The following COL20A1 variants were observed in gnomAD, a reference collection of about 807,000 sequenced individuals.
COL20A1 encodes collagen type XX alpha 1 chain.
COL20A1 carries 164 observed loss-of-function variants against 152.9 expected under a neutral mutation model. The observed-to-expected ratio is 1.07, with a 90% CI of 0.94 to 1.22. The LOEUF (loss-of-function observed/expected upper bound fraction) is 1.22. Ranked by LOEUF, COL20A1 falls within the 50% of genes most tolerant of loss-of-function variation. The probability of loss-of-function intolerance (pLI) is 0.00; values close to 1 mark genes in which losing one functional copy is unlikely to be tolerated. For synonymous variants in COL20A1, 864 were observed against 756.0 expected (o/e 1.14, Z -2.34); for missense variants, 1,873 against 1,744.8 (o/e 1.07, Z -1.31).
chr20:63,325,563 GGA>G (rs994720643), intron 28 of COL20A1, 69 bp downstream of exon 28: 8 of 1,551,330 alleles, frequency 5.2e-6, no homozygotes, highest in Non-Finnish European at 6.2e-6. Context: ...ATGGAGATGG[GGA>G]GTGCCTGGGG....
chr20:63,300,771 A>G lies in COL20A1; in HGVS notation c.193+2751A>G, dbSNP rs894622440. On this transcript the variant is annotated intron_variant, in intron 3 of 35. Transcript: ENST00000358894. ...TTGATTTTCTGCCCTTTTACAAGATATAAAGTTAAAACTATTGAATTTTCT... is the reference window on the plus strand; with the variant it reads ...TTGATTTTCTGCCCTTTTACAAGATGTAAAGTTAAAACTATTGAATTTTCT... Among the ~76,000 whole-genome samples the G allele has an allele frequency of 1.1e-4, 16 of 152,228 alleles. 1 individual carries two copies. Among genetic ancestry groups the G allele is most frequent in the African/African-American group, 3.4e-4 (14 of 41,458 alleles).
At chr20:63,325,196 G>A (rs1363281993) in intron 27 of COL20A1, 3 of 664,922 alleles carry the variant, frequency 4.5e-6, no homozygotes, top group African/African-American at 3.6e-5. Flanking sequence ...AGGGCTGGCT[G>A]TGACCCAGAG....
chr20:63,318,759 AG>A (rs1182317296), intron 21 of COL20A1, among the ~76,000 whole-genome samples: 1 of 152,056 alleles, frequency 6.6e-6, no homozygotes, highest in Non-Finnish European at 1.5e-5. Flanking sequence ...ATTCAATGGG[AG>A]GGATTCTGTC....
intron 21 of COL20A1, 87 bp from the exon 22 acceptor site, chr20:63,318,971 G>A (rs769971664): frequency 1.1e-4 from 114 of 1,050,418 alleles, no homozygotes; most frequent in Non-Finnish European, 1.6e-4. Flanking sequence ...CTGGCACTGG[G>A]GCTGGGGCTG....
chr20:63,329,215 C>T (rs969594837), intron 34 of COL20A1: 14 of 234,094 alleles, frequency 6.0e-5, no homozygotes, highest in Non-Finnish European at 1.1e-4. Context: ...GGAACCCCTG[C>T]CCCCGGCTTG....
Position 63,305,115 on chromosome 20 carries a change from T to A in COL20A1, c.194-302T>A, listed in dbSNP as rs1032858700. On this transcript the variant is annotated intron_variant, in intron 3 of 35. Coordinates refer to ENST00000358894, the MANE Select transcript of COL20A1 (RefSeq NM_020882.4). The surrounding 1 kb of genome is among the most constrained non-coding windows in gnomAD (Gnocchi z 4.9). ...GTCATCCCCTCCCTGGGCAGCCCTGTCTTCATACCTTGACAGTATCTCTGA... is the reference window on the plus strand; with the variant it reads ...GTCATCCCCTCCCTGGGCAGCCCTGACTTCATACCTTGACAGTATCTCTGA... Among the ~76,000 whole-genome samples the A allele has an allele frequency of 5.9e-5, 9 of 152,072 alleles. No homozygotes were observed. The highest frequency in any genetic ancestry group is 1.2e-4 in the Non-Finnish European group (8 of 68,016).
In COL20A1 at chr20:63,311,954, G is replaced by A. The variant is rs188950518; in HGVS notation, c.1702G>A (p.Val568Met). 1.3e-5 allele frequency: 21 copies of A among 1,590,604 alleles called. No homozygotes were observed. Among genetic ancestry groups the A allele is most frequent in the Admixed American group, 7.0e-5 (4 of 57,386 alleles). Residue 568 changes from valine (V) to methionine (M), a missense_variant, in exon 14 of 36, where the codon GTG becomes ATG. Val to Met is a conservative substitution (Grantham distance 21, BLOSUM62 1). Transcript: ENST00000358894. The surrounding 1 kb of genome is among the most constrained non-coding windows in gnomAD (Gnocchi z 4.4). The part of the protein sequence containing the change: ...APPRHLGFSD[V>M]SHDAARVFWE... ...CCCGAGACACCTGGGCTTCTCAGAC[G>A]TGAGCCACGACGCGGCACGAGTGTT...
chr20:63,319,089 C>T lies in COL20A1; in HGVS notation c.2695C>T (p.His899Tyr). 6.2e-7 allele frequency: 1 copy of T among 1,612,360 alleles called. No individual in the cohort carries two copies. The highest frequency in any genetic ancestry group is 1.1e-5 in the South Asian group (1 of 91,040). ...DVYPAPLPPEHTIVFLVRLLP... is the reference protein window; with the variant it reads ...DVYPAPLPPEYTIVFLVRLLP... Reference sequence around the variant, plus strand: ...CTACCCAGCCCCCCTACCTCCAGAGCACACCATCGTCTTCCTTGTGCGCCT... The same window carrying T: ...CTACCCAGCCCCCCTACCTCCAGAGTACACCATCGTCTTCCTTGTGCGCCT... Residue 899 changes from histidine to tyrosine, a missense_variant, in exon 22 of 36, where the codon CAC (histidine) becomes TAC (tyrosine). Transcript: ENST00000358894. The surrounding 1 kb of genome is among the most constrained non-coding windows in gnomAD (Gnocchi z 4.4).
At position 63,307,315 on chromosome 20, in the gene COL20A1, C is replaced by T. The variant is rs6089876; in HGVS notation, c.497-175C>T. 2.8e-3 allele frequency among the ~76,000 whole-genome samples: 420 copies of T among 152,354 alleles called. 1 individual carries two copies. The highest frequency in any genetic ancestry group is 9.0e-3 in the African/African-American group (374 of 41,582). On this transcript the variant is annotated intron_variant, in intron 5 of 35. Transcript: ENST00000358894. ...CATTAGCGGTGGCTCGATGTGCAGCCGTGCCGGTGTGGGGCTGTCTAGTCC... is the reference window on the plus strand; with the variant it reads ...CATTAGCGGTGGCTCGATGTGCAGCTGTGCCGGTGTGGGGCTGTCTAGTCC...
At chr20:63,325,783 G>A (rs567879368) in intron 29 of COL20A1, 62 bp downstream of exon 29, 4 of 1,481,480 alleles carry the variant, frequency 2.7e-6, no homozygotes, top group Middle Eastern at 1.8e-4. Context: ...GGGACGGGGG[G>A]CCTTGGAGAT....
rs6011728 is a variant in COL20A1, at chr20:63,311,121, G to C, written c.1394-273G>C. 0.96 allele frequency among the ~76,000 whole-genome samples: 146,080 copies of C among 152,110 alleles called. 70,419 individuals are homozygous for C. Among genetic ancestry groups the C allele is most frequent in the East Asian group, 1 (5,154 of 5,154 alleles). On this transcript the variant is annotated intron_variant, in intron 11 of 35. Coordinates refer to ENST00000358894, the MANE Select transcript of COL20A1 (RefSeq NM_020882.4). The surrounding 1 kb of genome is among the most constrained non-coding windows in gnomAD (Gnocchi z 4.4). ...ACACAGTGCAGACTTTTGTGTCTGGGTGTTTCCCAAAGCCCTTTTCACCCC... is the reference window on the plus strand; with the variant it reads ...ACACAGTGCAGACTTTTGTGTCTGGCTGTTTCCCAAAGCCCTTTTCACCCC...
Position 63,309,743 on chromosome 20 carries a change from C to T in COL20A1, c.1106-15C>T. 1 of 1,546,620 alleles carries T rather than the reference C, an allele frequency of 6.5e-7. No homozygotes were observed. Among genetic ancestry groups the T allele is most frequent in the Non-Finnish European group, 8.7e-7 (1 of 1,148,646 alleles). ...TGCAGTGACCACCTGCCCCCCACTC[C>T]CGCTACTCCAGCAGCAGCGGCTCCA... is the stretch of plus-strand genomic sequence containing the variant. On this transcript the variant is annotated splice_polypyrimidine_tract_variant and intron_variant, in intron 9 of 35. Coordinates refer to ENST00000358894, the MANE Select transcript of COL20A1 (RefSeq NM_020882.4).
At chr20:63,325,835 C>G in intron 29 of COL20A1, 114 bp downstream of exon 29, 1 of 981,416 alleles carries the variant, frequency 1.0e-6, no homozygotes, top group Non-Finnish European at 1.6e-6. Flanking sequence ...TTCTCCTGGG[C>G]TCCTGCCTCA....
rs772361136 is a variant in COL20A1, at chr20:63,305,901, TC to T, written c.361del (p.Leu121TrpfsTer98). 14 of 1,612,948 alleles carry T rather than the reference TC, an allele frequency of 8.7e-6. No individual in the cohort carries two copies. The highest frequency in any genetic ancestry group is 1.2e-5 in the Non-Finnish European group (14 of 1,179,830). ...EFVIEDLKSS[S>X]LDRSSQRPLG... is the part of the protein sequence containing the mutation. ...TGCAGTTGAGGATCTGAAGAGTAGC[TC>T]CCTGGACAGGAGCAGCCAGAGGCCC... On this transcript the variant is annotated frameshift_variant, in exon 5 of 36. Coordinates refer to ENST00000358894, the MANE Select transcript of COL20A1 (RefSeq NM_020882.4). LOFTEE classifies it high-confidence loss of function. The surrounding 1 kb of genome is among the most constrained non-coding windows in gnomAD (Gnocchi z 4.9).
chr20:63,302,258 T>C (rs1048223256), intron 3 of COL20A1, among the ~76,000 whole-genome samples: 8 of 152,192 alleles, frequency 5.3e-5, no homozygotes, highest in African/African-American at 1.9e-4. Flanking sequence ...AAATTTAAAA[T>C]GTTTCAGTAC....
Position 63,308,089 on chromosome 20 carries a change from A to G in COL20A1, c.774A>G (p.Thr258=), listed in dbSNP as rs779905499. Residue 258 remains threonine (T), a splice_region_variant and synonymous_variant, in exon 7 of 36, where the codon ACA becomes ACG. Coordinates refer to ENST00000358894, the MANE Select transcript of COL20A1 (RefSeq NM_020882.4). ...RLRYKGGNTF[T]GLALTHVLGQ... ...GCTACAAGGGGGGGAACACGTTCAC[A>G]GGTACGGCCCAGGCCTGCCCCTCCC... 1 of 1,603,978 alleles carries G rather than the reference A, an allele frequency of 6.2e-7. No individual in the cohort carries two copies. Among genetic ancestry groups the G allele is most frequent in the South Asian group, 1.1e-5 (1 of 91,064 alleles).
chr20:63,308,918 C>T (rs922887400), intron 8 of COL20A1, among the ~76,000 whole-genome samples: 2 of 152,158 alleles, frequency 1.3e-5, no homozygotes, highest in Non-Finnish European at 2.9e-5. Context: ...TTGGTGCCCT[C>T]CGTGGAACCA....
Position 63,311,413 on chromosome 20 carries a change from G to A in COL20A1, c.1413G>A (p.Arg471=). The change falls in exon 12 of 36, where the codon CGG becomes CGA. Residue 471 remains arginine, a synonymous_variant. Coordinates refer to ENST00000358894, the MANE Select transcript of COL20A1 (RefSeq NM_020882.4). The surrounding 1 kb of genome is among the most constrained non-coding windows in gnomAD (Gnocchi z 4.4). ...CCCCAGCACCTCTGCCTCCGCCCCG[G>A]GCGCTGACCCTGGCCGCAGTGACGC... The part of the protein sequence containing the change: ...LVTTAPLPPP[R]ALTLAAVTPR... 1 of 1,581,676 alleles carries A rather than the reference G, an allele frequency of 6.3e-7. No individual in the cohort carries two copies.
At chr20:63,296,330 A>G (rs1018557455) in intron 2 of COL20A1, among the ~76,000 whole-genome samples, 1 of 152,264 alleles carries the variant, frequency 6.6e-6, no homozygotes, top group African/African-American at 2.4e-5. Flanking sequence ...AAACAACTTG[A>G]GTTTAGGCGA....
Sources: allele counts gnomAD v4.1 joint callset (sites outside exome capture counted in the v4.1 genomes callset), GRCh38; gene constraint gnomAD v4.1.1; non-coding constraint Gnocchi (gnomAD v3.1); transcripts MANE v1.5; gene names NCBI Gene and HGNC (gene_info 2026-07-23, HGNC 2026-07-21).